Variants in TTC39B observed in about 807,000 individuals in gnomAD.
TTC39B encodes the protein tetratricopeptide repeat domain 39B.
Under a neutral mutation model 96.6 loss-of-function variants are expected in TTC39B, and 92 were observed. That is an observed-to-expected ratio of 0.95 (90% confidence interval 0.80 to 1.13). The LOEUF (loss-of-function observed/expected upper bound fraction) is 1.13. Among genes scored for constraint, TTC39B ranks in the 50% most tolerant of loss-of-function variants. The pLI, the probability that TTC39B is intolerant of heterozygous loss-of-function variation, is 0.00. For synonymous variants in TTC39B, 367 were observed against 299.4 expected, an observed-to-expected ratio of 1.23 and a Z score of -2.33; for missense variants, 955 against 809.3, an observed-to-expected ratio of 1.18 and a Z score of -2.18.
At chr9:15,278,575 C>A (rs1823636702) in intron 1 of TTC39B, among the ~76,000 whole-genome samples, 2 of 152,146 alleles carry the variant, frequency 1.3e-5, no homozygotes, top group South Asian at 4.1e-4. Context: ...GCTGTTTTTG[C>A]AGGGAGCAAT....
At chr9:15,284,424 A>G (rs1296958013) in intron 1 of TTC39B, among the ~76,000 whole-genome samples, 1 of 152,250 alleles carries the variant, frequency 6.6e-6, no homozygotes, top group East Asian at 1.9e-4. Context: ...TCATGTACCA[A>G]GATTATGATA....
At chr9:15,277,816 G>A (rs1370064162) in intron 1 of TTC39B, among the ~76,000 whole-genome samples, 2 of 152,206 alleles carry the variant, frequency 1.3e-5, no homozygotes, top group Non-Finnish European at 2.9e-5. Flanking sequence ...GAAGGGCTGC[G>A]TCCAAATGGA....
At chr9:15,242,848 A>T (rs1822105077) in intron 2 of TTC39B, among the ~76,000 whole-genome samples, 1 of 152,264 alleles carries the variant, frequency 6.6e-6, no homozygotes. Context: ...GTTTGGAATT[A>T]TCATAAAATA....
intron 2 of TTC39B, among the ~76,000 whole-genome samples, chr9:15,237,753 C>T (rs1564377252): frequency 1.3e-5 from 2 of 150,988 alleles, no homozygotes; most frequent in African/African-American, 4.9e-5. Context: ...GAAACTATTA[C>T]AAAAAATTTG....
intron 1 of TTC39B, among the ~76,000 whole-genome samples, chr9:15,273,164 G>A (rs1209415361): frequency 6.6e-6 from 1 of 152,200 alleles, no homozygotes; most frequent in African/African-American, 2.4e-5. Context: ...AGATATTAAT[G>A]ACAAAAGTGT....
intron 2 of TTC39B, among the ~76,000 whole-genome samples, chr9:15,265,742 T>C (rs925127409): frequency 5.3e-5 from 8 of 152,210 alleles, no homozygotes; most frequent in African/African-American, 1.9e-4. Flanking sequence ...CTAAGTCACA[T>C]TGATATCGTG....
At chr9:15,293,126 T>C (rs888962246) in intron 1 of TTC39B, among the ~76,000 whole-genome samples, 1 of 152,220 alleles carries the variant, frequency 6.6e-6, no homozygotes, top group Non-Finnish European at 1.5e-5. Context: ...GTGCCTTTTC[T>C]ATGTTTAGAT....
chr9:15,200,847 A>T (rs941752053), intron 7 of TTC39B, among the ~76,000 whole-genome samples: 4 of 152,180 alleles, frequency 2.6e-5, no homozygotes, highest in African/African-American at 9.7e-5. Context: ...AAAAATTCAG[A>T]AAGTAGCCGG....
chr9:15,208,156 C>CT (rs1224929102), intron 6 of TTC39B, among the ~76,000 whole-genome samples: 1 of 151,394 alleles, frequency 6.6e-6, no homozygotes, highest in Non-Finnish European at 1.5e-5. Context: ...TCCTGAGAAG[C>CT]TGGGACTATA....
At chr9:15,305,981 C>T (rs1241179620) in intron 1 of TTC39B, among the ~76,000 whole-genome samples, 1 of 152,084 alleles carries the variant, frequency 6.6e-6, no homozygotes, top group African/African-American at 2.4e-5. Context: ...CTCTGTCATG[C>T]AGAGGAGCTG....
intron 2 of TTC39B, among the ~76,000 whole-genome samples, chr9:15,261,651 C>T (rs1188387746): frequency 1.3e-5 from 2 of 152,136 alleles, no homozygotes; most frequent in Non-Finnish European, 2.9e-5. Flanking sequence ...GTTCACCCAG[C>T]ATGTCCCCAC....
chr9:15,241,633 G>T (rs1822043873), intron 2 of TTC39B, among the ~76,000 whole-genome samples: 1 of 151,912 alleles, frequency 6.6e-6, no homozygotes, highest in Admixed American at 6.6e-5. Context: ...AAATGAATTT[G>T]TGAACACAAC....
intron 1 of TTC39B, among the ~76,000 whole-genome samples, chr9:15,285,077 C>T (rs113968238): frequency 9.2e-5 from 14 of 151,936 alleles, no homozygotes; most frequent in Non-Finnish European, 1.6e-4. Flanking sequence ...CTGGCTAACA[C>T]GGTGAAACCC....
At chr9:15,225,872 C>A (rs767445974) in intron 3 of TTC39B, 45 bp downstream of exon 3, 1 of 1,552,418 alleles carries the variant, frequency 6.4e-7, no homozygotes, top group South Asian at 1.1e-5. Context: ...AAGGGTGGGA[C>A]TGTCCTCCCC....
At chr9:15,242,223 C>G (rs571390888) in intron 2 of TTC39B, among the ~76,000 whole-genome samples, 1 of 152,320 alleles carries the variant, frequency 6.6e-6, no homozygotes, top group Non-Finnish European at 1.5e-5. Flanking sequence ...TCATTCTCCT[C>G]TAGTCAGACC....
At chr9:15,266,848 G>A (rs1459285799) in intron 2 of TTC39B, among the ~76,000 whole-genome samples, 2 of 152,182 alleles carry the variant, frequency 1.3e-5, no homozygotes, top group Non-Finnish European at 2.9e-5. Context: ...GGGAGGACAA[G>A]AGGGGCAGAT....
chr9:15,216,597 A>G (rs548176930), intron 3 of TTC39B, among the ~76,000 whole-genome samples: 2 of 152,300 alleles, frequency 1.3e-5, no homozygotes, highest in African/African-American at 4.8e-5. Flanking sequence ...CATTCTGAAC[A>G]TCTCTTGAAT....
chr9:15,269,476 C>T (rs556622487), intron 1 of TTC39B, among the ~76,000 whole-genome samples: 1 of 152,208 alleles, frequency 6.6e-6, no homozygotes, highest in African/African-American at 2.4e-5. Flanking sequence ...GATCTTTTCC[C>T]TTGTGTGGCC....
At chr9:15,269,580 GCAGTGGCT>G (rs1823260461) in intron 1 of TTC39B, among the ~76,000 whole-genome samples, 1 of 152,166 alleles carries the variant, frequency 6.6e-6, no homozygotes, top group South Asian at 2.1e-4. Flanking sequence ...CTGGCCAGGC[GCAGTGGCT>G]CATGCCTGCA....
Sources: allele counts gnomAD v4.1 joint callset (sites outside exome capture counted in the v4.1 genomes callset), GRCh38; gene constraint gnomAD v4.1.1; transcripts MANE v1.5; gene names NCBI Gene and HGNC (gene_info 2026-07-23, HGNC 2026-07-21).